The following DDX55 variants were observed in gnomAD, a reference collection of about 807,000 sequenced individuals.
DDX55 encodes ATP-dependent RNA helicase DDX55.
DDX55 carries 56 observed loss-of-function variants against 69.2 expected under a neutral mutation model. The ratio of observed to expected loss-of-function variants is 0.81; its 90% confidence interval spans 0.65 to 1.01. The LOEUF (loss-of-function observed/expected upper bound fraction) is 1.01. DDX55 is among the 50% of genes least tolerant of loss of function. The pLI, the probability that DDX55 is intolerant of heterozygous loss-of-function variation, is 0.00. For missense variants in DDX55, 720 were observed against 745.1 expected, an observed-to-expected ratio of 0.97 and a Z score of 0.39; for synonymous variants, 268 against 273.1, an observed-to-expected ratio of 0.98 and a Z score of 0.18.
chr12:123,607,593 G>T lies in DDX55; in HGVS notation c.339-7G>T, dbSNP rs759454773. 5 of 1,614,106 alleles carry T rather than the reference G, an allele frequency of 3.1e-6. No individual in the cohort carries two copies. Among genetic ancestry groups the T allele is most frequent in the Non-Finnish European group, 4.2e-6 (5 of 1,180,016 alleles). On this transcript the variant is annotated splice_region_variant and splice_polypyrimidine_tract_variant and intron_variant, in intron 4 of 13. Coordinates refer to ENST00000238146, the MANE Select transcript of DDX55 (RefSeq NM_020936.3). ...GAACTTAATCAAAGGCTGTTTTCTTGTTGTAGCCAGATTCTTTGGATCGGA... is the reference window on the plus strand; with the variant it reads ...GAACTTAATCAAAGGCTGTTTTCTTTTTGTAGCCAGATTCTTTGGATCGGA...
At position 123,617,834 on chromosome 12, in the gene DDX55, GA is replaced by G. The variant is rs761648894; in HGVS notation, c.1128del (p.Glu377SerfsTer18). The G allele has an allele frequency of 1.9e-6, 3 of 1,614,138 alleles. No individual in the cohort carries two copies. The East Asian group carries it at 6.7e-5, about 36-fold the overall frequency. ...GSALVFLLPM[E>X]ESYINFLAIN... is the part of the protein sequence containing the mutation. ...CGCTCTGGTGTTCCTCCTGCCCATG[GA>G]AGAGTCATACATCAATTTCCTTGCA... On this transcript the variant is annotated frameshift_variant, in exon 11 of 14. Coordinates refer to ENST00000238146, the MANE Select transcript of DDX55 (RefSeq NM_020936.3). LOFTEE classifies it high-confidence loss of function.
Position 123,613,235 on chromosome 12 carries a change from AC to A in DDX55, c.808del (p.His270ThrfsTer22). 1 of 1,613,796 alleles carries A rather than the reference AC, an allele frequency of 6.2e-7. No individual in the cohort carries two copies. The highest frequency in any genetic ancestry group is 2.2e-5 in the East Asian group (1 of 44,856). The stretch of plus-strand genomic sequence containing the variant: ...TTCTTCGCAATCATAAGCAGGAGAA[AC>A]ACCTGGTCTTCTTCAGGTACTCCTC... ...HFLRNHKQEK[H>X]LVFFSTCACV... On this transcript the variant is annotated frameshift_variant, in exon 8 of 14. Coordinates refer to ENST00000238146, the MANE Select transcript of DDX55 (RefSeq NM_020936.3). LOFTEE classifies it high-confidence loss of function.
At chr12:123,611,274 T>G (rs374333673) in intron 7 of DDX55, among the ~76,000 whole-genome samples, 1 of 152,222 alleles carries the variant, frequency 6.6e-6, no homozygotes, top group South Asian at 2.1e-4. Flanking sequence ...TAGATGGGCT[T>G]TTGGCAACTT....
chr12:123,616,840 G>A (rs1379180847), intron 10 of DDX55: 1 of 475,802 alleles, frequency 2.1e-6, no homozygotes, highest in Middle Eastern at 5.0e-4. Context: ...TTCAGACAAT[G>A]AGAGAAAACA....
rs572149313 is a variant in DDX55, at chr12:123,602,199, C to T, written c.51C>T (p.His17=). 28 of 1,573,364 alleles carry T rather than the reference C, an allele frequency of 1.8e-5. 1 individual carries two copies. Among genetic ancestry groups the T allele is most frequent in the African/African-American group, 1.5e-4 (11 of 74,098 alleles). The change falls in exon 1 of 14, where the codon CAC becomes CAT. Residue 17 remains histidine, a synonymous_variant. Transcript: ENST00000238146. ...GSWESLPVPL[H]PQVLGALREL... is the part of the protein sequence containing the mutation. Reference sequence around the variant, plus strand: ...GGGAGTCGCTGCCTGTGCCGCTGCACCCGCAGGTGCTGGGCGCGCTGCGGG... The same window carrying T: ...GGGAGTCGCTGCCTGTGCCGCTGCATCCGCAGGTGCTGGGCGCGCTGCGGG...
chr12:123,604,421 C>T (rs1953764032), intron 1 of DDX55, among the ~76,000 whole-genome samples: 1 of 151,988 alleles, frequency 6.6e-6, no homozygotes, highest in Non-Finnish European at 1.5e-5. Context: ...GTTTGAGATG[C>T]CCATAAGATT....
At chr12:123,606,786 G>A (rs1322520057) in intron 3 of DDX55, among the ~76,000 whole-genome samples, 2 of 151,960 alleles carry the variant, frequency 1.3e-5, no homozygotes, top group African/African-American at 4.8e-5. Context: ...ATGTTACCCA[G>A]GCTGGTCTTA....
intron 9 of DDX55, among the ~76,000 whole-genome samples, chr12:123,616,009 A>G (rs1954635700): frequency 6.6e-6 from 1 of 151,992 alleles, no homozygotes. Context: ...GAAACAAAAA[A>G]ACAAAAAACT....
At position 123,611,421 on chromosome 12, in the gene DDX55, C is replaced by T. The variant is rs370530538; in HGVS notation, c.741+1293C>T. Among the ~76,000 whole-genome samples, 5 of 152,222 alleles carry T rather than the reference C, an allele frequency of 3.3e-5. No homozygotes were observed. The East Asian group carries it at 9.6e-4, about 29-fold the overall frequency. ...TCAGGGCGAGGAGGCACCCACAGGC[C>T]AGTGCCACTGCTGACGGTACACTGG... On this transcript the variant is annotated intron_variant, in intron 7 of 13. Coordinates refer to ENST00000238146, the MANE Select transcript of DDX55 (RefSeq NM_020936.3).
chr12:123,619,038 TG>T (rs1234155230), intron 12 of DDX55, among the ~76,000 whole-genome samples: 3 of 152,278 alleles, frequency 2.0e-5, no homozygotes, highest in African/African-American at 4.8e-5. Flanking sequence ...AGTCGCGCTT[TG>T]TCACCCAGCC....
At chr12:123,615,991 C>CA (rs1475987086) in intron 9 of DDX55, among the ~76,000 whole-genome samples, 2 of 151,998 alleles carry the variant, frequency 1.3e-5, no homozygotes, top group African/African-American at 2.4e-5. Flanking sequence ...CAAAAACAAA[C>CA]AAACAAAGAA....
chr12:123,618,536 T>C, intron 11 of DDX55, 133 bp from the exon 12 acceptor site: 1 of 1,535,110 alleles, frequency 6.5e-7, no homozygotes, highest in Non-Finnish European at 8.8e-7. Flanking sequence ...AATATTTGGG[T>C]TGGAGTTGGG....
chr12:123,609,370 GTTTT>G (rs1220679978), intron 6 of DDX55, among the ~76,000 whole-genome samples: 3 of 124,688 alleles, frequency 2.4e-5, no homozygotes, highest in Admixed American at 8.3e-5. Context: ...TTTCCTTCAA[GTTTT>G]TTTTTTTTTT....
At chr12:123,614,827 A>G (rs568958677) in intron 8 of DDX55, among the ~76,000 whole-genome samples, 2 of 152,180 alleles carry the variant, frequency 1.3e-5, no homozygotes, top group Non-Finnish European at 2.9e-5. Context: ...AAATCTTGTA[A>G]CACTATTTGT....
intron 6 of DDX55, 45 bp downstream of exon 6, chr12:123,608,874 T>C: frequency 1.9e-6 from 3 of 1,542,846 alleles, no homozygotes; most frequent in Admixed American, 1.9e-5. Context: ...CAGATGATAC[T>C]AATACAAAAG....
intron 1 of DDX55, 56 bp downstream of exon 1, chr12:123,602,312 C>A: frequency 6.9e-7 from 1 of 1,451,230 alleles, no homozygotes; most frequent in Non-Finnish European, 9.2e-7. Flanking sequence ...GCACCCGCTG[C>A]ATCGGACCCA....
intron 1 of DDX55, 44 bp downstream of exon 1, chr12:123,602,300 A>G: frequency 6.7e-7 from 1 of 1,492,348 alleles, no homozygotes; most frequent in South Asian, 1.2e-5. Flanking sequence ...GGAGAGGGGC[A>G]GGCACCCGCT....
intron 12 of DDX55, 151 bp downstream of exon 12, chr12:123,618,988 T>A: frequency 8.1e-7 from 1 of 1,233,304 alleles, no homozygotes; most frequent in African/African-American, 1.5e-5. Context: ...GTATTCCTTT[T>A]AACTTTGTAA....
At chr12:123,613,273 G>A (rs761806902) in intron 8 of DDX55, 21 bp downstream of exon 8, 1 of 1,611,922 alleles carries the variant, frequency 6.2e-7, no homozygotes, top group Admixed American at 1.7e-5. Flanking sequence ...GGTCTCTGTG[G>A]TAGAGGCATC....
Sources: gnomAD v4.1 joint callset for allele counts (sites outside exome capture counted in the v4.1 genomes callset) on GRCh38, gnomAD v4.1.1 for gene constraint, MANE v1.5 for transcripts, NCBI Gene and HGNC (gene_info 2026-07-23, HGNC 2026-07-21) for gene names.